RAP1GAP: variants seen among roughly 807,000 people sequenced by gnomAD.
RAP1GAP encodes rap1 GTPase-activating protein 1.
A neutral mutation model predicts 87.2 loss-of-function variants in RAP1GAP; 35 were observed. The ratio of observed to expected loss-of-function variants is 0.40; its 90% CI spans 0.31 to 0.53. RAP1GAP has a LOEUF of 0.53. Ranked by LOEUF, RAP1GAP falls within the 20% of genes least tolerant of loss-of-function variation. RAP1GAP has a pLI of 0.48. For synonymous variants in RAP1GAP, 375 were observed against 363.9 expected (o/e 1.03, Z -0.35); for missense variants, 734 against 898.9 (o/e 0.82, Z 2.35).
At chr1:21,660,954 G>T (rs900278679) in intron 1 of RAP1GAP, among the ~76,000 whole-genome samples, 3 of 152,122 alleles carry the variant, frequency 2.0e-5, no homozygotes, top group Non-Finnish European at 4.4e-5. Context: ...GGGACAGGAG[G>T]AGGAGGGAGA....
At chr1:21,608,441 C>A (rs972645531) in intron 16 of RAP1GAP, 91 bp from the exon 17 acceptor site, 7 of 1,507,874 alleles carry the variant, frequency 4.6e-6, no homozygotes, top group Non-Finnish European at 6.2e-6. Context: ...GAGGCACGGG[C>A]CACCTTCTCT....
At chr1:21,645,752 A>G (rs779468260) in intron 2 of RAP1GAP, among the ~76,000 whole-genome samples, 21 of 152,146 alleles carry the variant, frequency 1.4e-4, no homozygotes, top group Non-Finnish European at 2.4e-4. Flanking sequence ...TGCCCACCAG[A>G]TGCATAATAG....
In RAP1GAP at chr1:21,656,905, G is replaced by GGT. The variant is rs140619253; in HGVS notation, c.-148-7111_-148-7110dup. 1.8e-3 allele frequency among the ~76,000 whole-genome samples: 278 copies of GGT among 152,342 alleles called. 2 individuals carry two copies. The highest frequency in any genetic ancestry group is 6.2e-3 in the African/African-American group (257 of 41,580). ...AAAGCCCTTCTGGAGGCAGCACCCAGGTGTACGGTCTTTCATTCCTTCCCC... is the reference window on the plus strand; with the variant it reads ...AAAGCCCTTCTGGAGGCAGCACCCAGGTGTGTACGGTCTTTCATTCCTTCCCC... On this transcript the variant is annotated intron_variant, in intron 1 of 24. Coordinates refer to ENST00000374765, the MANE Select transcript of RAP1GAP (RefSeq NM_002885.4).
Position 21,622,703 on chromosome 1 carries a change from C to G in RAP1GAP, c.-18-2653G>C, listed in dbSNP as rs2089468100. ...GACACCGCGCCTGCGCGTTCCGGCC[C>G]GAGCGCTAGAAGCTTTGGGTGCGTC... On this transcript the variant is annotated intron_variant, in intron 3 of 24. Transcript: ENST00000374765. This position sits in a 1 kb window ranked among gnomAD's most constrained non-coding sequence, Gnocchi z 5.7. 2 of 151,294 alleles carry G rather than the reference C, an allele frequency of 1.3e-5. No homozygotes were observed. Among genetic ancestry groups the G allele is most frequent in the African/African-American group, 4.8e-5 (2 of 41,314 alleles). 9.4% of individuals were successfully genotyped at this position (151,294 alleles called of 1,614,324 possible).
chr1:21,612,795 G>A (rs1286014337), intron 10 of RAP1GAP, among the ~76,000 whole-genome samples: 5 of 152,192 alleles, frequency 3.3e-5, no homozygotes, highest in Admixed American at 6.5e-5. Flanking sequence ...AAGTGCCAGG[G>A]CTATTCTCTC....
chr1:21,657,150 G>T (rs563010398), intron 1 of RAP1GAP, among the ~76,000 whole-genome samples: 14 of 152,340 alleles, frequency 9.2e-5, no homozygotes, highest in Non-Finnish European at 1.8e-4. Context: ...ACTCATGCCT[G>T]TAGAGATCAC....
rs1349886408 is a variant in RAP1GAP, at chr1:21,653,586, TCCTTCCTCCCTC to T, written c.-148-3802_-148-3791del. ...TTCCTTCCTTCCTTCCTTCCTTCCT[TCCTTCCTCCCTC>T]CCTCCCTCCCTCCTTCCTAAGTAGT... On this transcript the variant is annotated intron_variant, in intron 1 of 24. Coordinates refer to ENST00000374765, the MANE Select transcript of RAP1GAP (RefSeq NM_002885.4). Among the ~76,000 whole-genome samples, 386 of 125,986 alleles carry T rather than the reference TCCTTCCTCCCTC, an allele frequency of 3.1e-3. 2 individuals carry two copies. The highest frequency in any genetic ancestry group is 0.01 in the African/African-American group (341 of 32,882). 82.7% of individuals were successfully genotyped at this position (125,986 alleles called of 152,430 possible). A position where few individuals can be genotyped will look rare whatever the true frequency, so the allele number is the denominator to read the frequency against.
chr1:21,650,511 C>A (rs1473599941), intron 1 of RAP1GAP, among the ~76,000 whole-genome samples: 2 of 152,238 alleles, frequency 1.3e-5, no homozygotes, highest in Non-Finnish European at 2.9e-5. Context: ...GGCTGAGCAG[C>A]TGTTGGGACA....
chr1:21,613,159 C>A lies in RAP1GAP; in HGVS notation c.528+17G>T. 6.5e-7 allele frequency: 1 copy of A among 1,534,170 alleles called. No homozygotes were observed. The highest frequency in any genetic ancestry group is 9.0e-7 in the Non-Finnish European group (1 of 1,107,378). On this transcript the variant is annotated intron_variant, in intron 10 of 24. Transcript: ENST00000374765. The surrounding 1 kb of genome is among the most constrained non-coding windows in gnomAD (Gnocchi z 4.7). ...ACTCACCCACCCTCAGTGAGCTGTG[C>A]CCAGATCCAGCCATACCTTGGGGTA...
Position 21,610,245 on chromosome 1 carries a change from T to C in RAP1GAP, c.874A>G (p.Ile292Val). Residue 292 changes from isoleucine to valine, a missense_variant, in exon 14 of 25, where the codon ATC becomes GTC. Physicochemically the swap from Ile to Val is conservative, Grantham distance 29 (BLOSUM62 3). Transcript: ENST00000374765. ...LQRKRHIGNDIVAVVFQDENT... is the reference protein window; with the variant it reads ...LQRKRHIGNDVVAVVFQDENT... Reference sequence around the variant, plus strand: ...TCATCCTGGAAGACCACAGCCACGATGTCGTTCCCGATGTGCCGCTTCCGC... The same window carrying C: ...TCATCCTGGAAGACCACAGCCACGACGTCGTTCCCGATGTGCCGCTTCCGC... 6.2e-7 allele frequency: 1 copy of C among 1,614,118 alleles called. No individual in the cohort carries two copies. Among genetic ancestry groups the C allele is most frequent in the Non-Finnish European group, 8.5e-7 (1 of 1,180,014 alleles).
chr1:21,618,084 C>T (rs1196900914), intron 5 of RAP1GAP, 112 bp from the exon 6 acceptor site: 23 of 1,240,538 alleles, frequency 1.9e-5, no homozygotes, highest in Non-Finnish European at 2.5e-5. Flanking sequence ...GGGGCCCTGG[C>T]CTCATCACCT....
At position 21,657,258 on chromosome 1, in the gene RAP1GAP, C is replaced by T. The variant is rs527649744; in HGVS notation, c.-148-7462G>A. ...ACATGCAAAGGTCAACTCCAGCTCC[C>T]ACCCTTAGGTCCCCCATCAGTGCAC... On this transcript the variant is annotated intron_variant, in intron 1 of 24. Transcript: ENST00000374765. Among the ~76,000 whole-genome samples, 3 of 152,346 alleles carry T rather than the reference C, an allele frequency of 2.0e-5. No homozygotes were observed. In the South Asian group the frequency reaches 6.2e-4, roughly 32 times the overall value.
chr1:21,666,891 T>C (rs3767130), intron 1 of RAP1GAP, among the ~76,000 whole-genome samples: 9,189 of 152,240 alleles, frequency 0.06, 434 homozygotes, highest in East Asian at 0.25. Context: ...AAGGCTCTTC[T>C]CCTTGCTGAC....
At chr1:21,599,174 C>G (rs2066150613) in intron 21 of RAP1GAP, among the ~76,000 whole-genome samples, 1 of 152,170 alleles carries the variant, frequency 6.6e-6, no homozygotes, top group African/African-American at 2.4e-5. Context: ...CGCAAAGGGC[C>G]AGGGGTGCAG....
At chr1:21,667,628 T>A (rs1055115261) in intron 1 of RAP1GAP, 1 of 152,608 alleles carries the variant, frequency 6.6e-6, no homozygotes, top group African/African-American at 2.4e-5. Context: ...CAGGTCCACA[T>A]GGACCACTCC....
At chr1:21,624,260 T>C (rs2090749968) in intron 3 of RAP1GAP, among the ~76,000 whole-genome samples, 1 of 152,176 alleles carries the variant, frequency 6.6e-6, no homozygotes, top group Non-Finnish European at 1.5e-5. Context: ...ATGTCCCTTC[T>C]GGGTGCCCTG....
intron 17 of RAP1GAP, among the ~76,000 whole-genome samples, chr1:21,607,128 A>T (rs1161601544): frequency 6.6e-6 from 1 of 152,170 alleles, no homozygotes; most frequent in Non-Finnish European, 1.5e-5. Context: ...CCGGCCGGGA[A>T]GCTGGAGGAT....
chr1:21,632,168 G>C (rs1289853385), intron 2 of RAP1GAP, among the ~76,000 whole-genome samples: 2 of 152,174 alleles, frequency 1.3e-5, no homozygotes, highest in African/African-American at 4.8e-5. Context: ...CCCTCTCGGG[G>C]AGAGCACCCA....
chr1:21,624,261 G>T (rs1431352332), intron 3 of RAP1GAP, among the ~76,000 whole-genome samples: 2 of 152,176 alleles, frequency 1.3e-5, no homozygotes, highest in Admixed American at 6.5e-5. Flanking sequence ...TGTCCCTTCT[G>T]GGTGCCCTGT....
Sources: allele counts gnomAD v4.1 joint callset (sites outside exome capture counted in the v4.1 genomes callset), GRCh38; gene constraint gnomAD v4.1.1; non-coding constraint Gnocchi (gnomAD v3.1); transcripts MANE v1.5; gene names NCBI Gene and HGNC (gene_info 2026-07-23, HGNC 2026-07-21).